Variants in THSD7B observed in about 807,000 individuals in gnomAD.
The protein encoded by THSD7B is thrombospondin type-1 domain-containing protein 7B.
A neutral mutation model predicts 213.6 loss-of-function variants in THSD7B; 138 were observed. The observed-to-expected ratio is 0.65, with a 90% CI of 0.56 to 0.74. The LOEUF is 0.74. Ranked by LOEUF, THSD7B falls within the 30% of genes least tolerant of loss-of-function variation. The pLI, the probability that THSD7B is intolerant of heterozygous loss-of-function variation, is 0.00. For synonymous variants in THSD7B, 742 were observed against 687.0 expected, an observed-to-expected ratio of 1.08 and a Z score of -1.25; for missense variants, 1,931 against 1,991.5, an observed-to-expected ratio of 0.97 and a Z score of 0.58.
intron 4 of THSD7B, among the ~76,000 whole-genome samples, chr2:137,106,560 T>C (rs1005132024): frequency 1.3e-5 from 2 of 152,194 alleles, no homozygotes; most frequent in Non-Finnish European, 2.9e-5. Flanking sequence ...GTAGTTAAGC[T>C]GAAGAGCTTC....
chr2:136,943,401 G>A (rs180897095), intron 2 of THSD7B, among the ~76,000 whole-genome samples: 1 of 152,294 alleles, frequency 6.6e-6, no homozygotes, highest in African/African-American at 2.4e-5. Context: ...CTCATAAAAT[G>A]AGTTAGGGAG....
chr2:136,849,645 A>G (rs918518368), intron 1 of THSD7B, among the ~76,000 whole-genome samples: 2 of 152,116 alleles, frequency 1.3e-5, no homozygotes, highest in Admixed American at 1.3e-4. Context: ...ATAGCAGTAA[A>G]TATAGCCTTG....
chr2:137,274,523 G>T (rs952710760), intron 11 of THSD7B, among the ~76,000 whole-genome samples: 2 of 152,052 alleles, frequency 1.3e-5, no homozygotes, highest in African/African-American at 2.4e-5. Flanking sequence ...CTGGAAACTG[G>T]CCTGTCCTGA....
At chr2:137,573,236 T>G (rs1194264021) in intron 17 of THSD7B, among the ~76,000 whole-genome samples, 1 of 151,980 alleles carries the variant, frequency 6.6e-6, no homozygotes, top group Non-Finnish European at 1.5e-5. Flanking sequence ...AAGTAAACAC[T>G]GAAAAAAATG....
rs558085504 is a variant in THSD7B at position 137,566,113 on chromosome 2, A to C, written c.3272+2759A>C. On this transcript the variant is annotated intron_variant, in intron 16 of 27. Coordinates refer to ENST00000409968, the MANE Select transcript of THSD7B (RefSeq NM_001316349.2). ...TCTGTTCTCTTTCTTAAAACCTTCC[A>C]ACTGTAGAGCATCTTCATGGTTTAT... is the stretch of plus-strand genomic sequence containing the variant. Among the ~76,000 whole-genome samples, 2 of 152,316 alleles carry C rather than the reference A, an allele frequency of 1.3e-5. 1 individual carries two copies. The highest frequency in any genetic ancestry group is 3.9e-4 in the East Asian group (2 of 5,186).
At position 137,600,070 on chromosome 2, in the gene THSD7B, C is replaced by T. The variant is rs556909415; in HGVS notation, c.3424-16105C>T. Among the ~76,000 whole-genome samples the T allele has an allele frequency of 1.5e-4, 23 of 152,250 alleles. No homozygotes were observed. In the South Asian group the frequency reaches 4.8e-3, roughly 32 times the overall value. On this transcript the variant is annotated intron_variant, in intron 17 of 27. Coordinates refer to ENST00000409968, the MANE Select transcript of THSD7B (RefSeq NM_001316349.2). ...TTCTTCTTCATCATCTCTCCCTTTTCTGCTTCCCCTCCCCAGGGGCACCTG... is the reference window on the plus strand; with the variant it reads ...TTCTTCTTCATCATCTCTCCCTTTTTTGCTTCCCCTCCCCAGGGGCACCTG...
chr2:136,883,031 C>G (rs1331553022), intron 2 of THSD7B, among the ~76,000 whole-genome samples: 1 of 152,082 alleles, frequency 6.6e-6, no homozygotes, highest in African/African-American at 2.4e-5. Context: ...ATTACTGATG[C>G]TTTTCCTTGC....
chr2:137,341,071 T>G (rs1684751057), intron 12 of THSD7B, among the ~76,000 whole-genome samples: 1 of 150,970 alleles, frequency 6.6e-6, no homozygotes, highest in Non-Finnish European at 1.5e-5. Flanking sequence ...AGTTCCCTTT[T>G]CTCGAGGTTC....
At chr2:137,278,953 A>C (rs1260543652) in intron 12 of THSD7B, among the ~76,000 whole-genome samples, 1 of 152,162 alleles carries the variant, frequency 6.6e-6, no homozygotes, top group Non-Finnish European at 1.5e-5. Flanking sequence ...CAAAAGCATT[A>C]AGTTATGGAT....
intron 3 of THSD7B, among the ~76,000 whole-genome samples, chr2:137,074,883 T>A (rs906610808): frequency 8.5e-5 from 13 of 152,190 alleles, no homozygotes; most frequent in Non-Finnish European, 1.6e-4. Flanking sequence ...GGGTTGAAAA[T>A]TCTTTTCTTT....
Position 137,546,395 on chromosome 2 carries a change from T to TATATATAA in THSD7B, c.3139-16826_3139-16825insATATATAA, listed in dbSNP as rs1480170788. 6.0e-4 allele frequency among the ~76,000 whole-genome samples: 20 copies of TATATATAA among 33,282 alleles called. 1 individual carries two copies. The highest frequency in any genetic ancestry group is 3.7e-3 in the African/African-American group (19 of 5,154). The allele number at this position is 33,282 out of a possible 152,430, so 21.8% of individuals were successfully genotyped here. ...ATATATAATATATATATTATATATA[T>TATATATAA]TATATATATTATATATATATTATAT... On this transcript the variant is annotated intron_variant, in intron 15 of 27. Transcript: ENST00000409968.
chr2:137,214,591 C>G (rs989636384), intron 7 of THSD7B, among the ~76,000 whole-genome samples: 1 of 151,260 alleles, frequency 6.6e-6, no homozygotes, highest in African/African-American at 2.4e-5. Flanking sequence ...TAGCCCCCCA[C>G]CCCCTGACAG....
intron 5 of THSD7B, among the ~76,000 whole-genome samples, chr2:137,150,260 A>G (rs1558938947): frequency 6.6e-6 from 1 of 151,826 alleles, no homozygotes; most frequent in Non-Finnish European, 1.5e-5. Flanking sequence ...AAAAAAAAGA[A>G]AAAGAAAAAG....
chr2:137,190,975 G>A (rs566610306), intron 7 of THSD7B, among the ~76,000 whole-genome samples: 1 of 152,190 alleles, frequency 6.6e-6, no homozygotes, highest in African/African-American at 2.4e-5. Context: ...ACTGAGAGAC[G>A]CTGCAATTTC....
At position 137,557,891 on chromosome 2, in the gene THSD7B, A is replaced by T. The variant is rs192729606; in HGVS notation, c.3139-5330A>T. 1.3e-3 allele frequency among the ~76,000 whole-genome samples: 203 copies of T among 152,346 alleles called. 1 individual carries two copies. The highest frequency in any genetic ancestry group is 4.6e-3 in the African/African-American group (192 of 41,570). ...AAAATGATAAGGGATATCACCACTG[A>T]TCCCACAGAAATACAAACTACCAAC... On this transcript the variant is annotated intron_variant, in intron 15 of 27. Transcript: ENST00000409968.
At chr2:136,856,567 G>A (rs1235481317) in intron 1 of THSD7B, among the ~76,000 whole-genome samples, 6 of 150,416 alleles carry the variant, frequency 4.0e-5, no homozygotes, top group African/African-American at 1.5e-4. Context: ...AGGCTGGAGT[G>A]TAATCACGAG....
intron 1 of THSD7B, among the ~76,000 whole-genome samples, chr2:136,804,865 G>A (rs1218664769): frequency 6.6e-6 from 1 of 152,148 alleles, no homozygotes; most frequent in Admixed American, 6.5e-5. Flanking sequence ...TTGGAGTCAG[G>A]GCCAGCAGGT....
At chr2:137,389,344 ATTGT>A (rs1685966622) in intron 12 of THSD7B, among the ~76,000 whole-genome samples, 3 of 143,706 alleles carry the variant, frequency 2.1e-5, no homozygotes, top group East Asian at 2.0e-4. Flanking sequence ...CTCTTGGCTA[ATTGT>A]TTGTCTTTAT....
chr2:136,785,333 G>C (rs1465407245), intron 1 of THSD7B, among the ~76,000 whole-genome samples: 1 of 152,040 alleles, frequency 6.6e-6, no homozygotes, highest in Non-Finnish European at 1.5e-5. Context: ...TGTTCCCCTT[G>C]CCCCCTCAGG....
Sources: gnomAD v4.1 joint callset for allele counts (sites outside exome capture counted in the v4.1 genomes callset) on GRCh38, gnomAD v4.1.1 for gene constraint, MANE v1.5 for transcripts, NCBI Gene and HGNC (gene_info 2026-07-23, HGNC 2026-07-21) for gene names.